IMMP2L: variants seen among roughly 807,000 people sequenced by gnomAD.
IMMP2L encodes the protein mitochondrial inner membrane protease subunit 2.
A neutral mutation model predicts 19.3 loss-of-function variants in IMMP2L; 18 were observed. The ratio of observed to expected loss-of-function variants is 0.93; its 90% CI spans 0.64 to 1.38. The LOEUF (loss-of-function observed/expected upper bound fraction) is 1.38. IMMP2L is among the 40% of genes most tolerant of loss of function. IMMP2L has a pLI of 0.00. For missense variants in IMMP2L, 233 were observed against 218.2 expected (o/e 1.07, Z -0.43); for synonymous variants, 76 against 73.0 (o/e 1.04, Z -0.21).
At chr7:110,982,286 AC>A (rs1252923600) in intron 3 of IMMP2L, among the ~76,000 whole-genome samples, 1 of 152,172 alleles carries the variant, frequency 6.6e-6, no homozygotes, top group Admixed American at 6.5e-5. Flanking sequence ...GAATCAGGTC[AC>A]ATATCCAAGT....
intron 4 of IMMP2L, among the ~76,000 whole-genome samples, chr7:110,961,395 G>T (rs1480456411): frequency 6.7e-6 from 1 of 149,454 alleles, no homozygotes; most frequent in Non-Finnish European, 1.5e-5. Flanking sequence ...TTGTTTTACT[G>T]CATTGTTTAG....
At chr7:111,036,043 T>G (rs2129569895) in intron 3 of IMMP2L, among the ~76,000 whole-genome samples, 1 of 152,322 alleles carries the variant, frequency 6.6e-6, no homozygotes, top group Admixed American at 6.5e-5. Context: ...TTCTATAACT[T>G]TTAGTCATTA....
At chr7:111,550,604 A>G (rs947876249) in intron 1 of IMMP2L, among the ~76,000 whole-genome samples, 3 of 152,150 alleles carry the variant, frequency 2.0e-5, no homozygotes, top group Non-Finnish European at 4.4e-5. Context: ...ACTGTGAACC[A>G]AAAGACCCTA....
intron 1 of IMMP2L, among the ~76,000 whole-genome samples, chr7:111,526,717 A>C (rs1011717453): frequency 6.6e-6 from 1 of 152,142 alleles, no homozygotes; most frequent in African/African-American, 2.4e-5. Context: ...ATATTTCTGG[A>C]AACTTCTGGA....
intron 4 of IMMP2L, among the ~76,000 whole-genome samples, chr7:110,959,292 A>T (rs1026080561): frequency 7.9e-5 from 12 of 152,094 alleles, no homozygotes; most frequent in Non-Finnish European, 1.5e-4. Context: ...ATGGGACTGA[A>T]AAATCCACAG....
chr7:111,018,704 A>T (rs1825951274), intron 3 of IMMP2L, among the ~76,000 whole-genome samples: 1 of 152,000 alleles, frequency 6.6e-6, no homozygotes, highest in Non-Finnish European at 1.5e-5. Flanking sequence ...AATACCAAAT[A>T]GGTAGTAAAA....
At chr7:110,827,570 T>C (rs1291439946) in intron 5 of IMMP2L, among the ~76,000 whole-genome samples, 1 of 152,176 alleles carries the variant, frequency 6.6e-6, no homozygotes, top group Non-Finnish European at 1.5e-5. Flanking sequence ...ACAAGACCTA[T>C]AGCGTTGTGT....
intron 3 of IMMP2L, among the ~76,000 whole-genome samples, chr7:111,024,986 G>A (rs893563288): frequency 1.1e-4 from 17 of 152,194 alleles, no homozygotes; most frequent in African/African-American, 3.9e-4. Context: ...TGAAATTTTG[G>A]TTACCTACAA....
At chr7:110,925,110 G>A (rs748395479) in intron 4 of IMMP2L, among the ~76,000 whole-genome samples, 15 of 152,202 alleles carry the variant, frequency 9.9e-5, no homozygotes, top group Admixed American at 4.6e-4. Flanking sequence ...AGATATTAGC[G>A]CTAAAACAGA....
chr7:110,736,968 G>A (rs1354076375), intron 5 of IMMP2L, among the ~76,000 whole-genome samples: 1 of 152,144 alleles, frequency 6.6e-6, no homozygotes. Context: ...CATGAATTTT[G>A]GGGGATCAGG....
chr7:111,445,407 C>CACAA (rs1838237003), intron 3 of IMMP2L, among the ~76,000 whole-genome samples: 1 of 151,498 alleles, frequency 6.6e-6, no homozygotes, highest in South Asian at 2.1e-4. Context: ...AAAAAATAGA[C>CACAA]ACAAACATAC....
At chr7:110,998,201 T>G (rs1301729671) in intron 3 of IMMP2L, among the ~76,000 whole-genome samples, 1 of 152,154 alleles carries the variant, frequency 6.6e-6, no homozygotes, top group Non-Finnish European at 1.5e-5. Flanking sequence ...CTTCTACTTC[T>G]CAAACCCAGT....
intron 3 of IMMP2L, among the ~76,000 whole-genome samples, chr7:111,323,806 C>T (rs1351187242): frequency 6.6e-6 from 1 of 152,094 alleles, no homozygotes; most frequent in Non-Finnish European, 1.5e-5. Flanking sequence ...GAATACTATG[C>T]AGCCATAAAA....
At chr7:110,907,287 G>A (rs1174804803) in intron 4 of IMMP2L, among the ~76,000 whole-genome samples, 5 of 152,108 alleles carry the variant, frequency 3.3e-5, no homozygotes, top group Non-Finnish European at 7.3e-5. Context: ...GGAGCTCTCA[G>A]TGTAAAGGGG....
chr7:111,374,984 T>C (rs911177200), intron 3 of IMMP2L, among the ~76,000 whole-genome samples: 37 of 152,204 alleles, frequency 2.4e-4, no homozygotes, highest in African/African-American at 7.9e-4. Flanking sequence ...TTGAATATTT[T>C]TGGTAAATAT....
chr7:111,349,970 C>CTT (rs11325040), intron 3 of IMMP2L, among the ~76,000 whole-genome samples: 4 of 143,064 alleles, frequency 2.8e-5, no homozygotes, highest in South Asian at 2.2e-4. Flanking sequence ...AAAGATGGTC[C>CTT]TTTTTTTTTT....
At chr7:111,007,687 A>G (rs1232110295) in intron 3 of IMMP2L, among the ~76,000 whole-genome samples, 1 of 152,074 alleles carries the variant, frequency 6.6e-6, no homozygotes, top group African/African-American at 2.4e-5. Flanking sequence ...GTACACATAT[A>G]GACATGCATG....
intron 3 of IMMP2L, among the ~76,000 whole-genome samples, chr7:111,165,241 T>C (rs1805695906): frequency 6.6e-6 from 1 of 152,070 alleles, no homozygotes; most frequent in Non-Finnish European, 1.5e-5. Flanking sequence ...TACAGTAGCA[T>C]ATGTCCGAAC....
At chr7:111,554,980 C>T (rs540700639) in intron 1 of IMMP2L, among the ~76,000 whole-genome samples, 1 of 152,012 alleles carries the variant, frequency 6.6e-6, no homozygotes, top group Non-Finnish European at 1.5e-5. Context: ...AAAAATCAGG[C>T]CTTGGCGATG....
Sources: allele counts gnomAD v4.1 joint callset (sites outside exome capture counted in the v4.1 genomes callset), GRCh38; gene constraint gnomAD v4.1.1; transcripts MANE v1.5; gene names NCBI Gene and HGNC (gene_info 2026-07-23, HGNC 2026-07-21).